Variants in GCNT3 observed in about 807,000 individuals in gnomAD.
The protein encoded by GCNT3 is beta-1,3-galactosyl-O-glycosyl-glycoprotein beta-1,6-N-acetylglucosaminyltransferase 3.
For synonymous variants in GCNT3, 269 were observed against 195.2 expected (o/e 1.38, Z -3.15); for missense variants, 708 against 530.3 (o/e 1.34, Z -3.29).
In GCNT3 at chr15:59,618,639, C is replaced by G; in HGVS notation, c.401C>G (p.Ala134Gly). Residue 134 changes from alanine (A) to glycine (G), a missense_variant, in exon 3 of 3, where the codon GCA becomes GGA. Ala to Gly is a moderately conservative substitution (Grantham distance 60, BLOSUM62 0). Transcript: ENST00000396065. ...LSKEEVEFPI[A>G]YSMVIHEKIE... ...AAAGAAGAGGTGGAGTTCCCTATTGCATACTCTATGGTGATTCATGAGAAG... is the reference window on the plus strand; with the variant it reads ...AAAGAAGAGGTGGAGTTCCCTATTGGATACTCTATGGTGATTCATGAGAAG... The G allele has an allele frequency of 6.2e-7, 1 of 1,614,112 alleles. No individual in the cohort carries two copies. Among genetic ancestry groups the G allele is most frequent in the Non-Finnish European group, 8.5e-7 (1 of 1,179,986 alleles).
chr15:59,612,398 C>T (rs185185260), intron 1 of GCNT3, among the ~76,000 whole-genome samples: 1 of 152,122 alleles, frequency 6.6e-6, no homozygotes, highest in Non-Finnish European at 1.5e-5. Flanking sequence ...GTTGGACTTA[C>T]TTATATTATG....
intron 2 of GCNT3, among the ~76,000 whole-genome samples, 182 bp downstream of exon 2, chr15:59,617,063 C>A (rs558505157): frequency 1.3e-5 from 2 of 150,812 alleles, no homozygotes; most frequent in African/African-American, 4.9e-5. Context: ...ATCTGGTTTT[C>A]TTTACTGATA....
At position 59,621,777 on chromosome 15, in the gene GCNT3, T is replaced by G. The variant is rs1467767481; in HGVS notation, c.*2222T>G. On this transcript the variant is annotated 3_prime_UTR_variant, in exon 3 of 3. Transcript: ENST00000396065. ...TGCCTGGCTAATTTTTTTGTATTTTTTTAGTAGAAACAGGGTTTCACCATG... is the reference window on the plus strand; with the variant it reads ...TGCCTGGCTAATTTTTTTGTATTTTGTTAGTAGAAACAGGGTTTCACCATG... The G allele has an allele frequency of 1.3e-5, 2 of 151,036 alleles. No homozygotes were observed. The highest frequency in any genetic ancestry group is 3.1e-3 in the Middle Eastern group (1 of 318). 9.4% of individuals were successfully genotyped at this position (151,036 alleles called of 1,614,324 possible).
In GCNT3 at chr15:59,619,509, TAGA is replaced by T. The variant is rs1460074893; in HGVS notation, c.1276_1278del (p.Glu426del). The T allele has an allele frequency of 1.2e-6, 2 of 1,612,388 alleles. No homozygotes were observed. Among genetic ancestry groups the T allele is most frequent in the South Asian group, 2.2e-5 (2 of 90,950 alleles). On this transcript the variant is annotated inframe_deletion, in exon 3 of 3. Transcript: ENST00000396065. ...GTAGATGATAATGCTCTTCAGTGCT[TAGA>T]AGAATACCTACGTTATAAGGCCATC...
In GCNT3 at chr15:59,619,352, G is replaced by T; in HGVS notation, c.1114G>T (p.Asp372Tyr). The change falls in exon 3 of 3, where the codon GAC (aspartate) becomes TAC (tyrosine). Residue 372 changes from aspartate (D) to tyrosine (Y), a missense_variant. Physicochemically the swap from Asp to Tyr is radical, Grantham distance 160. Transcript: ENST00000396065. ...GGTCAAGTGGCAGGGTCATGAGGGA[G>T]ACATCGATAAGGGTGCTCCTTATGC... ...RLVKWQGHEG[D>Y]IDKGAPYAPC... 6.2e-7 allele frequency: 1 copy of T among 1,614,104 alleles called. No homozygotes were observed. Among genetic ancestry groups the T allele is most frequent in the Non-Finnish European group, 8.5e-7 (1 of 1,180,030 alleles).
At chr15:59,617,968 G>GGATCCA (rs2082727356) in intron 2 of GCNT3, 1 of 287,970 alleles carries the variant, frequency 3.5e-6, no homozygotes, top group Non-Finnish European at 6.5e-6. Context: ...GGGTGGAGGT[G>GGATCCA]GATCCAGATC....
At chr15:59,617,975 G>T (rs1438327669) in intron 2 of GCNT3, 1 of 304,654 alleles carries the variant, frequency 3.3e-6, no homozygotes, top group Non-Finnish European at 6.0e-6. Flanking sequence ...GGTGGATCCA[G>T]ATCCAGACTT....
Position 59,620,798 on chromosome 15 carries a change from A to G in GCNT3, c.*1243A>G, listed in dbSNP as rs1174082458. The G allele has an allele frequency of 6.0e-6, 1 of 166,634 alleles. No individual in the cohort carries two copies. The highest frequency in any genetic ancestry group is 1.9e-4 in the East Asian group (1 of 5,206). The allele number at this position is 166,634 out of a possible 1,614,324, so 10.3% of individuals were successfully genotyped here. ...CTATTAATAATTGTATTGAGAAATA[A>G]AAATAAACTAGGACTATTCAGTTAA... On this transcript the variant is annotated 3_prime_UTR_variant, in exon 3 of 3. Transcript: ENST00000396065.
In GCNT3 at chr15:59,619,202, G is replaced by A; in HGVS notation, c.964G>A (p.Val322Ile). 3 of 1,613,948 alleles carry A rather than the reference G, an allele frequency of 1.9e-6. No homozygotes were observed. The highest frequency in any genetic ancestry group is 1.1e-5 in the South Asian group (1 of 91,060). ...TAAATCCCAACAACTGATTGAATGG[G>A]TAAAAGACACTTATAGCCCAGATGA... ...NPKSQQLIEWVKDTYSPDEHL... is the reference protein window; with the variant it reads ...NPKSQQLIEWIKDTYSPDEHL... Residue 322 changes from valine (V) to isoleucine (I), a missense_variant, in exon 3 of 3, where the codon GTA becomes ATA. Transcript: ENST00000396065.
intron 1 of GCNT3, chr15:59,615,192 A>T (rs768090280): frequency 1.3e-5 from 2 of 152,156 alleles, no homozygotes; most frequent in African/African-American, 4.8e-5. Flanking sequence ...TTTGCTTCCT[A>T]TCTGCTTCCT....
rs116459318 is a variant in GCNT3, at chr15:59,618,257, C to G, written c.19C>G (p.Leu7Val). 1.3e-6 allele frequency: 2 copies of G among 1,578,074 alleles called. No individual in the cohort carries two copies. The highest frequency in any genetic ancestry group is 2.2e-5 in the East Asian group (1 of 44,550). The change falls in exon 3 of 3, where the codon CTC becomes GTC. Residue 7 changes from leucine to valine, a missense_variant. Coordinates refer to ENST00000396065, the MANE Select transcript of GCNT3 (RefSeq NM_004751.3). MVQWKR[L>V]CQLHYLWALG... ...TGTGACGATGGTTCAATGGAAGAGA[C>G]TCTGCCAGCTGCATTACTTGTGGGC...
Position 59,618,538 on chromosome 15 carries a change from C to T in GCNT3, c.300C>T (p.Asp100=), listed in dbSNP as rs375924241. Residue 100 remains aspartate (D), a synonymous_variant, in exon 3 of 3, where the codon GAC becomes GAT. Transcript: ENST00000396065. ...EVKKKREPFT[D]THYLSLTRDC... The stretch of plus-strand genomic sequence containing the variant: ...AGAAGAAGCGAGAGCCTTTCACAGA[C>T]ACCCACTACCTCTCCCTCACCAGAG... 2.2e-5 allele frequency: 35 copies of T among 1,614,102 alleles called. No homozygotes were observed. The highest frequency in any genetic ancestry group is 1.2e-4 in the Admixed American group (7 of 60,010).
chr15:59,612,491 G>A (rs1362848696), intron 1 of GCNT3, among the ~76,000 whole-genome samples: 2 of 152,170 alleles, frequency 1.3e-5, no homozygotes, highest in African/African-American at 4.8e-5. Context: ...TGACTCCTGG[G>A]CTGTTGGATA....
In GCNT3 at chr15:59,622,406, C is replaced by T. The variant is rs1479392347; in HGVS notation, c.*2851C>T. The T allele has an allele frequency of 1.3e-5, 2 of 152,082 alleles. No homozygotes were observed. The highest frequency in any genetic ancestry group is 4.8e-5 in the African/African-American group (2 of 41,410). 9.4% of individuals were successfully genotyped at this position (152,082 alleles called of 1,614,324 possible). On this transcript the variant is annotated 3_prime_UTR_variant, in exon 3 of 3. Transcript: ENST00000396065. The stretch of plus-strand genomic sequence containing the variant: ...CAACTTGCCTGCATTGTAATAGAGT[C>T]CTATTCACTTTGCTCCCAACCCCAC...
intron 1 of GCNT3, among the ~76,000 whole-genome samples, chr15:59,614,357 G>A (rs2082710195): frequency 6.6e-6 from 1 of 152,080 alleles, no homozygotes; most frequent in Non-Finnish European, 1.5e-5. Context: ...GAGGGTTCTT[G>A]GATCTTGCGC....
chr15:59,613,589 T>TAA (rs1566904461), intron 1 of GCNT3, among the ~76,000 whole-genome samples: 1 of 151,062 alleles, frequency 6.6e-6, no homozygotes, highest in African/African-American at 2.4e-5. Flanking sequence ...AAAATAAAAA[T>TAA]AAATCAGCTG....
rs571705920 is a variant in GCNT3 at position 59,619,804 on chromosome 15, T to A, written c.*249T>A. ...CACTAACTTTCTCACTAAGTGAGAA[T>A]GAGAACTGCTGTGATAGGGAGAGTG... On this transcript the variant is annotated 3_prime_UTR_variant, in exon 3 of 3. Transcript: ENST00000396065. 3.4e-5 allele frequency: 13 copies of A among 383,876 alleles called. No homozygotes were observed. Among genetic ancestry groups the A allele is most frequent in the South Asian group, 2.4e-4 (6 of 24,502 alleles). 23.8% of individuals were successfully genotyped at this position (383,876 alleles called of 1,614,324 possible).
chr15:59,617,646 A>G (rs1364809902), intron 2 of GCNT3, among the ~76,000 whole-genome samples: 2 of 152,212 alleles, frequency 1.3e-5, no homozygotes, highest in African/African-American at 2.4e-5. Flanking sequence ...CATTTTTTAA[A>G]AAGTGTGGCT....
chr15:59,618,714 T>C lies in GCNT3; in HGVS notation c.476T>C (p.Ile159Thr), dbSNP rs2082732202. 3 of 1,614,004 alleles carry C rather than the reference T, an allele frequency of 1.9e-6. No individual in the cohort carries two copies. In the Admixed American group the frequency reaches 5.0e-5, roughly 27 times the overall value. ...LLRAVYAPQNIYCVHVDEKSP... is the reference protein window; with the variant it reads ...LLRAVYAPQNTYCVHVDEKSP... ...CGAGCTGTGTATGCCCCTCAGAACA[T>C]ATACTGTGTCCATGTGGATGAGAAG... Residue 159 changes from isoleucine to threonine, a missense_variant, in exon 3 of 3, where the codon ATA (isoleucine) becomes ACA (threonine). Ile to Thr is a moderately conservative substitution (Grantham distance 89). Coordinates refer to ENST00000396065, the MANE Select transcript of GCNT3 (RefSeq NM_004751.3).
Sources: gnomAD v4.1 joint callset for allele counts (sites outside exome capture counted in the v4.1 genomes callset) on GRCh38, gnomAD v4.1.1 for gene constraint, MANE v1.5 for transcripts, NCBI Gene and HGNC (gene_info 2026-07-23, HGNC 2026-07-21) for gene names.